The following FARP1 variants were observed in gnomAD, a reference collection of about 807,000 sequenced individuals.
The protein encoded by FARP1 is FERM, ARH/RhoGEF and pleckstrin domain protein 1.
In FARP1, 52 loss-of-function variants were observed where a neutral mutation model predicts 128.8. The observed-to-expected ratio is 0.40, with a 90% CI of 0.32 to 0.51. The LOEUF is 0.51. Among genes scored for constraint, FARP1 ranks in the 20% least tolerant of loss-of-function variants. FARP1 has a pLI of 0.45. For missense variants in FARP1, 1,333 were observed against 1,367.9 expected, an observed-to-expected ratio of 0.97 and a Z score of 0.40; for synonymous variants, 580 against 551.8, an observed-to-expected ratio of 1.05 and a Z score of -0.72.
At chr13:98,159,524 T>C (rs1876725907) in intron 1 of FARP1, 1 of 149,974 alleles carries the variant, frequency 6.7e-6, no homozygotes, top group African/African-American at 2.5e-5. Flanking sequence ...CAGGCTGGAG[T>C]GCAATGGCGT....
chr13:98,168,598 C>G (rs147662088), intron 1 of FARP1, among the ~76,000 whole-genome samples: 252 of 152,336 alleles, frequency 1.7e-3, no homozygotes, highest in Admixed American at 3.5e-3. Flanking sequence ...GATGTAGGAT[C>G]TTTGTCCTGG....
chr13:98,402,865 T>TA (rs1890829666), intron 13 of FARP1: 1 of 152,254 alleles, frequency 6.6e-6, no homozygotes, highest in Admixed American at 6.5e-5. Context: ...AAATTTCTAA[T>TA]ACACCAAATT....
chr13:98,318,181 A>T (rs1432330514), intron 2 of FARP1, among the ~76,000 whole-genome samples: 1 of 147,214 alleles, frequency 6.8e-6, no homozygotes, highest in Admixed American at 7.0e-5. Flanking sequence ...TGAGCTTCCC[A>T]GGTAGCTGTG....
At position 98,435,595 on chromosome 13, in the gene FARP1, G is replaced by A. The variant is rs200427694; in HGVS notation, c.2163G>A (p.Thr721=). The A allele has an allele frequency of 2.9e-5, 47 of 1,613,280 alleles. No individual in the cohort carries two copies. The highest frequency in any genetic ancestry group is 7.7e-5 in the South Asian group (7 of 90,976). The part of the protein sequence containing the change: ...RDCRAALAEI[T]EMVAQLHGTM... ...TCACAGCCGCTTTGGCAGAGATCAC[G>A]GAGATGGTGGCACAGCTCCACGGTA... The change falls in exon 19 of 27, where the codon ACG becomes ACA. Residue 721 remains threonine, a synonymous_variant. Transcript: ENST00000319562.
intron 2 of FARP1, among the ~76,000 whole-genome samples, chr13:98,286,066 A>T (rs1885152190): frequency 1.3e-5 from 2 of 151,954 alleles, no homozygotes; most frequent in Admixed American, 1.3e-4. Context: ...ACTGCTCATA[A>T]TACCTTATTC....
At chr13:98,228,038 C>G (rs1881897289) in intron 2 of FARP1, among the ~76,000 whole-genome samples, 1 of 152,140 alleles carries the variant, frequency 6.6e-6, no homozygotes, top group Non-Finnish European at 1.5e-5. Flanking sequence ...GCGAATATAC[C>G]TAGCACTACT....
Position 98,296,157 on chromosome 13 carries a change from G to A in FARP1, c.172-47605G>A, listed in dbSNP as rs374295996. ...ACATGGAGCATGTCCTGGTTTGAGA[G>A]CAGCTACTCTAGCAGATCTGTGTCT... On this transcript the variant is annotated intron_variant, in intron 2 of 26. Transcript: ENST00000319562. Among the ~76,000 whole-genome samples the A allele has an allele frequency of 7.2e-5, 11 of 152,266 alleles. No individual in the cohort carries two copies. The East Asian group carries it at 1.2e-3, about 16-fold the overall frequency.
At chr13:98,247,376 A>T (rs1401769471) in intron 2 of FARP1, among the ~76,000 whole-genome samples, 2 of 152,202 alleles carry the variant, frequency 1.3e-5, no homozygotes, top group Non-Finnish European at 2.9e-5. Context: ...TTTGGCCCCC[A>T]CATAGAGTTC....
At chr13:98,289,515 A>G (rs1316703271) in intron 2 of FARP1, among the ~76,000 whole-genome samples, 1 of 152,224 alleles carries the variant, frequency 6.6e-6, no homozygotes, top group East Asian at 1.9e-4. Flanking sequence ...ATATTTGGTT[A>G]TCTTCAGCTG....
chr13:98,329,051 TATTTA>T (rs1156404779), intron 2 of FARP1: 5 of 152,214 alleles, frequency 3.3e-5, no homozygotes, highest in African/African-American at 1.2e-4. Context: ...TGGAGTCATA[TATTTA>T]ATTTTTTCTT....
intron 5 of FARP1, 34 bp from the exon 6 acceptor site, chr13:98,377,786 CT>C: frequency 6.4e-7 from 1 of 1,559,418 alleles, no homozygotes; most frequent in Non-Finnish European, 8.8e-7. Flanking sequence ...CTCCTGCCCT[CT>C]TTGCCTGACG....
At chr13:98,439,071 C>T (rs773262654) in intron 20 of FARP1, 36 bp from the exon 21 acceptor site, 19 of 1,556,824 alleles carry the variant, frequency 1.2e-5, no homozygotes, top group Admixed American at 3.4e-5. Context: ...GCTGTCCAAA[C>T]GTGGTCTCAC....
chr13:98,165,289 T>C (rs529095642), intron 1 of FARP1, among the ~76,000 whole-genome samples: 1 of 152,150 alleles, frequency 6.6e-6, no homozygotes, highest in South Asian at 2.1e-4. Flanking sequence ...CATTCTTCTT[T>C]ATCCTTTAAG....
At chr13:98,383,064 C>T (rs1360347940) in intron 6 of FARP1, among the ~76,000 whole-genome samples, 9 of 152,200 alleles carry the variant, frequency 5.9e-5, no homozygotes, top group Admixed American at 5.9e-4. Context: ...TTCAAGACTA[C>T]TCTAGGAACC....
At chr13:98,441,179 G>A (rs1892508503) in intron 24 of FARP1, among the ~76,000 whole-genome samples, 1 of 152,228 alleles carries the variant, frequency 6.6e-6, no homozygotes, top group Non-Finnish European at 1.5e-5. Flanking sequence ...GGGCACAGCT[G>A]CTGGACAGTT....
chr13:98,212,256 A>G (rs957429779), intron 1 of FARP1, among the ~76,000 whole-genome samples: 6 of 152,080 alleles, frequency 3.9e-5, no homozygotes, highest in Non-Finnish European at 7.4e-5. Context: ...GGGTTTCACT[A>G]TGTTGGCCAG....
chr13:98,269,194 CTCAG>C lies in FARP1; in HGVS notation c.171+55789_171+55792del, dbSNP rs1170827556. ...TATGCTTGTTTCTACCCTACCTTCCCTCAGTCAGTCAACCTCATCTAAATATATC... is the reference window on the plus strand; with the variant it reads ...TATGCTTGTTTCTACCCTACCTTCCCTCAGTCAACCTCATCTAAATATATC... On this transcript the variant is annotated intron_variant, in intron 2 of 26. Coordinates refer to ENST00000319562, the MANE Select transcript of FARP1 (RefSeq NM_005766.4). Among the ~76,000 whole-genome samples, 2 of 152,212 alleles carry C rather than the reference CTCAG, an allele frequency of 1.3e-5. 1 individual carries two copies. Among genetic ancestry groups the C allele is most frequent in the Admixed American group, 1.3e-4 (2 of 15,280 alleles).
intron 1 of FARP1, among the ~76,000 whole-genome samples, chr13:98,206,842 A>C (rs1268515025): frequency 6.6e-6 from 1 of 152,238 alleles, no homozygotes; most frequent in African/African-American, 2.4e-5. Flanking sequence ...TGGAATAATC[A>C]CTTTAGTAAT....
chr13:98,189,914 T>A (rs1879114556), intron 1 of FARP1, among the ~76,000 whole-genome samples: 7 of 152,258 alleles, frequency 4.6e-5, no homozygotes, highest in Admixed American at 4.6e-4. Flanking sequence ...TTTTACTGCT[T>A]ATTTAAAACA....
Sources: allele counts gnomAD v4.1 joint callset (sites outside exome capture counted in the v4.1 genomes callset), GRCh38; gene constraint gnomAD v4.1.1; transcripts MANE v1.5; gene names NCBI Gene and HGNC (gene_info 2026-07-23, HGNC 2026-07-21).